Variants in ANK1 observed in about 807,000 individuals in gnomAD.
ANK1 encodes the protein ankyrin 1.
In ANK1, 51 loss-of-function variants were observed where a neutral mutation model predicts 210.4. That is an observed-to-expected ratio of 0.24 (90% CI 0.19 to 0.31). The LOEUF is 0.31. ANK1 is among the 10% of genes least tolerant of loss of function. The pLI is 1.00. For missense variants in ANK1, 2,051 were observed against 2,504.4 expected (o/e 0.82, Z 3.86); for synonymous variants, 967 against 1,025.9 (o/e 0.94, Z 1.10).
intron 1 of ANK1, among the ~76,000 whole-genome samples, chr8:41,831,703 G>T (rs564471264): frequency 3.3e-5 from 5 of 151,734 alleles, no homozygotes; most frequent in Non-Finnish European, 7.4e-5. Flanking sequence ...AGGAAGGAAG[G>T]AAGGAAGGAC....
At chr8:41,717,277 G>A (rs1337207710) in intron 12 of ANK1, among the ~76,000 whole-genome samples, 3 of 152,224 alleles carry the variant, frequency 2.0e-5, no homozygotes, top group Non-Finnish European at 4.4e-5. Flanking sequence ...GTGTATATGA[G>A]TTTATGTGTG....
At chr8:41,829,392 T>G (rs192733217) in intron 1 of ANK1, 55 of 152,346 alleles carry the variant, frequency 3.6e-4, no homozygotes, top group African/African-American at 1.3e-3. Context: ...CGCAACCTTA[T>G]GACCAATCCC....
chr8:41,818,633 C>A (rs1298595146), intron 1 of ANK1, among the ~76,000 whole-genome samples: 2 of 151,038 alleles, frequency 1.3e-5, no homozygotes, highest in Non-Finnish European at 3.0e-5. Context: ...CTCTCTTTTT[C>A]TTTCTTCTTT....
At chr8:41,660,335 C>G (rs1410442126) in intron 42 of ANK1, 1 of 438,872 alleles carries the variant, frequency 2.3e-6, no homozygotes, top group African/African-American at 2.1e-5. Context: ...AGCCTCCTTG[C>G]TGCTCGGTCC....
At chr8:41,692,925 T>A in intron 30 of ANK1, 49 bp from the exon 31 acceptor site, 1 of 1,582,044 alleles carries the variant, frequency 6.3e-7, no homozygotes, top group Non-Finnish European at 8.7e-7. Flanking sequence ...ACAGAGAGCA[T>A]CCTTTCCATC....
intron 1 of ANK1, among the ~76,000 whole-genome samples, chr8:41,779,566 C>T (rs1844837614): frequency 6.6e-6 from 1 of 151,958 alleles, no homozygotes; most frequent in Non-Finnish European, 1.5e-5. Flanking sequence ...TAGTTTGATG[C>T]CCATGGGACA....
At chr8:41,753,589 T>G (rs1446231688) in intron 2 of ANK1, among the ~76,000 whole-genome samples, 1 of 152,174 alleles carries the variant, frequency 6.6e-6, no homozygotes, top group Non-Finnish European at 1.5e-5. Flanking sequence ...GTTTGTTACA[T>G]GAATGTACTG....
intron 16 of ANK1, among the ~76,000 whole-genome samples, chr8:41,710,054 T>C (rs1303086161): frequency 6.6e-6 from 1 of 152,258 alleles, no homozygotes; most frequent in Admixed American, 6.5e-5. Flanking sequence ...ATGATGTCAC[T>C]GTGCACTGTT....
chr8:41,723,346 C>G, intron 8 of ANK1, 123 bp from the exon 9 acceptor site: 1 of 1,202,388 alleles, frequency 8.3e-7, no homozygotes, highest in South Asian at 1.2e-5. Context: ...CAAGCACCAG[C>G]TCGACCTCAG....
At chr8:41,660,882 T>A in intron 42 of ANK1, 1 of 283,636 alleles carries the variant, frequency 3.5e-6, no homozygotes, top group Non-Finnish European at 6.8e-6. Context: ...GTCTTGGAGC[T>A]CTTATGTTGA....
chr8:41,765,892 G>A (rs953651196), intron 1 of ANK1, among the ~76,000 whole-genome samples: 1 of 152,146 alleles, frequency 6.6e-6, no homozygotes, highest in Admixed American at 6.5e-5. Flanking sequence ...GGGACATTGG[G>A]AAACACCAGC....
chr8:41,792,973 C>A (rs1259850172), intron 1 of ANK1, among the ~76,000 whole-genome samples: 1 of 152,204 alleles, frequency 6.6e-6, no homozygotes, highest in African/African-American at 2.4e-5. Flanking sequence ...CAAGGCAAGC[C>A]TGAGTCCCAC....
At chr8:41,844,615 G>A (rs1255481643) in intron 1 of ANK1, among the ~76,000 whole-genome samples, 2 of 152,178 alleles carry the variant, frequency 1.3e-5, no homozygotes, top group African/African-American at 2.4e-5. Flanking sequence ...ACACGATCTC[G>A]GGCATGCCCC....
upstream of ANK1, among the ~76,000 whole-genome samples, chr8:41,801,983 T>C (rs1362146025): frequency 6.6e-6 from 1 of 152,188 alleles, no homozygotes; most frequent in African/African-American, 2.4e-5. Context: ...GGTTTTTGTT[T>C]TGTTTTGTTT....
At chr8:41,753,619 G>C (rs1025344135) in intron 2 of ANK1, among the ~76,000 whole-genome samples, 1 of 152,160 alleles carries the variant, frequency 6.6e-6, no homozygotes, top group Non-Finnish European at 1.5e-5. Flanking sequence ...GAGGTTTGGA[G>C]GGCATATGAT....
In ANK1 at chr8:41,655,593, G is replaced by A. The variant is rs1805378462; in HGVS notation, c.*197C>T. On this transcript the variant is annotated 3_prime_UTR_variant, in exon 43 of 43. Transcript: ENST00000289734. ...CCTGGAGGTCATGCGTCTACAGTCA[G>A]TCATTCATGCCAAGAGGGGACTAGC... 1 of 1,082,480 alleles carries A rather than the reference G, an allele frequency of 9.2e-7. No individual in the cohort carries two copies. The highest frequency in any genetic ancestry group is 1.4e-6 in the Non-Finnish European group (1 of 717,772). The allele number at this position is 1,082,480 out of a possible 1,614,324, so 67.1% of individuals were successfully genotyped here.
chr8:41,726,001 C>A, intron 5 of ANK1, 55 bp from the exon 6 acceptor site: 1 of 1,576,702 alleles, frequency 6.3e-7, no homozygotes, highest in Non-Finnish European at 8.6e-7. Context: ...AGCCGCCCTT[C>A]ACACGGGACA....
At chr8:41,709,086 C>G in intron 16 of ANK1, 111 bp from the exon 17 acceptor site, 1 of 1,257,578 alleles carries the variant, frequency 8.0e-7, no homozygotes, top group South Asian at 1.3e-5. Flanking sequence ...ACCCAGTGAG[C>G]AGGGCTGGCA....
chr8:41,788,193 G>A (rs1846827135), intron 1 of ANK1, among the ~76,000 whole-genome samples: 1 of 152,222 alleles, frequency 6.6e-6, no homozygotes, highest in African/African-American at 2.4e-5. Flanking sequence ...GATTCAAGAC[G>A]ATGTCGCCTC....
Sources: gnomAD v4.1 joint callset for allele counts (sites outside exome capture counted in the v4.1 genomes callset) on GRCh38, gnomAD v4.1.1 for gene constraint, MANE v1.5 for transcripts, NCBI Gene and HGNC (gene_info 2026-07-23, HGNC 2026-07-21) for gene names.